The following TNR variants were observed in gnomAD, a reference collection of about 807,000 sequenced individuals.
The protein encoded by TNR is tenascin R, also known as tenascin-R.
Under a neutral mutation model 150.4 loss-of-function variants are expected in TNR, and 45 were observed. The observed-to-expected ratio is 0.30, with a 90% confidence interval of 0.24 to 0.38. The LOEUF is 0.38. Ranked by LOEUF, TNR falls within the 10% of genes least tolerant of loss-of-function variation. TNR has a pLI of 1.00. For missense variants in TNR, 1,544 were observed against 1,759.1 expected, an observed-to-expected ratio of 0.88 and a Z score of 2.19; for synonymous variants, 687 against 678.4, an observed-to-expected ratio of 1.01 and a Z score of -0.20.
chr1:175,677,044 T>C (rs573544423), intron 1 of TNR, among the ~76,000 whole-genome samples: 2 of 152,236 alleles, frequency 1.3e-5, no homozygotes, highest in South Asian at 4.2e-4. Flanking sequence ...GGATTTGGGG[T>C]TAAGTGTATG....
At chr1:175,596,945 A>G (rs1390944356) in intron 1 of TNR, among the ~76,000 whole-genome samples, 1 of 152,206 alleles carries the variant, frequency 6.6e-6, no homozygotes, top group Non-Finnish European at 1.5e-5. Flanking sequence ...ATAAAGGTGG[A>G]GAGTTTCAGC....
chr1:175,731,538 C>G (rs1470635682), intron 1 of TNR, among the ~76,000 whole-genome samples: 1 of 152,056 alleles, frequency 6.6e-6, no homozygotes, highest in African/African-American at 2.4e-5. Flanking sequence ...ATATATGTTG[C>G]CTTATTCAAT....
intron 7 of TNR, among the ~76,000 whole-genome samples, chr1:175,386,912 T>A (rs1290647600): frequency 6.6e-6 from 1 of 152,246 alleles, no homozygotes; most frequent in African/African-American, 2.4e-5. Flanking sequence ...GATAAAAGGA[T>A]AAAAAGGACC....
intron 22 of TNR, among the ~76,000 whole-genome samples, chr1:175,324,024 G>A (rs1055866328): frequency 6.6e-6 from 1 of 152,062 alleles, no homozygotes; most frequent in African/African-American, 2.4e-5. Context: ...AGTTCACACT[G>A]GTATTTTCGA....
intron 2 of TNR, among the ~76,000 whole-genome samples, chr1:175,487,292 A>T (rs933350394): frequency 1.3e-5 from 2 of 152,120 alleles, no homozygotes; most frequent in Non-Finnish European, 2.9e-5. Context: ...ATCCGACAGG[A>T]GGTGGAGCTC....
chr1:175,738,512 G>A (rs557086532), intron 1 of TNR, among the ~76,000 whole-genome samples: 2 of 152,300 alleles, frequency 1.3e-5, no homozygotes, highest in Admixed American at 6.5e-5. Flanking sequence ...GGCTGGGGGA[G>A]GAGGAAATGG....
chr1:175,538,114 G>A lies in TNR; in HGVS notation c.-164-9745C>T, dbSNP rs12120224. On this transcript the variant is annotated intron_variant, in intron 1 of 22. Transcript: ENST00000367674. Reference sequence around the variant, plus strand: ...GCATATAGGAGCAGGCCAAGATGTCGGAAACCAGGCCAGAACAAGACACAA... The same window carrying A: ...GCATATAGGAGCAGGCCAAGATGTCAGAAACCAGGCCAGAACAAGACACAA... 6.1e-3 allele frequency among the ~76,000 whole-genome samples: 924 copies of A among 152,282 alleles called. 6 individuals carry two copies. Among genetic ancestry groups the A allele is most frequent in the Non-Finnish European group, 8.5e-3 (577 of 68,026 alleles).
chr1:175,471,617 G>A (rs1039605412), intron 2 of TNR, among the ~76,000 whole-genome samples: 1 of 152,190 alleles, frequency 6.6e-6, no homozygotes, highest in Non-Finnish European at 1.5e-5. Context: ...CACTTACTAT[G>A]AATGGAGCCT....
intron 2 of TNR, among the ~76,000 whole-genome samples, chr1:175,478,617 A>C (rs1657650173): frequency 6.6e-6 from 1 of 152,078 alleles, no homozygotes; most frequent in African/African-American, 2.4e-5. Context: ...CATTAAAAAA[A>C]AAAAATCCAC....
chr1:175,708,126 CTT>C (rs1666893764), intron 1 of TNR, among the ~76,000 whole-genome samples: 2 of 151,616 alleles, frequency 1.3e-5, no homozygotes, highest in Admixed American at 1.3e-4. Flanking sequence ...CACAGCATAA[CTT>C]ATTACTTGCC....
intron 1 of TNR, among the ~76,000 whole-genome samples, chr1:175,686,873 C>T (rs946159105): frequency 1.7e-4 from 26 of 152,162 alleles, no homozygotes; most frequent in African/African-American, 6.0e-4. Context: ...CCTAAATTTT[C>T]CTTATCTAGC....
intron 2 of TNR, among the ~76,000 whole-genome samples, chr1:175,430,243 A>G (rs1424511445): frequency 2.0e-5 from 3 of 152,146 alleles, no homozygotes; most frequent in Non-Finnish European, 4.4e-5. Context: ...CTCTGCTTAG[A>G]GCCTGAGGAA....
At chr1:175,411,809 G>A (rs569452677) in intron 2 of TNR, among the ~76,000 whole-genome samples, 4 of 151,952 alleles carry the variant, frequency 2.6e-5, no homozygotes, top group South Asian at 2.1e-4. Context: ...GAGGTTCTGG[G>A]GTTAGGACTT....
chr1:175,437,543 GA>G (rs1278223194), intron 2 of TNR, among the ~76,000 whole-genome samples: 1 of 152,154 alleles, frequency 6.6e-6, no homozygotes, highest in Non-Finnish European at 1.5e-5. Context: ...AGAACTGAAG[GA>G]AACAGAGACA....
At chr1:175,414,706 A>C (rs1343311080) in intron 2 of TNR, among the ~76,000 whole-genome samples, 2 of 152,138 alleles carry the variant, frequency 1.3e-5, no homozygotes, top group African/African-American at 4.8e-5. Flanking sequence ...GACTTGGGTC[A>C]CCCAGGTTGG....
At chr1:175,337,456 G>A in intron 19 of TNR, 72 bp downstream of exon 19, 1 of 1,575,414 alleles carries the variant, frequency 6.3e-7, no homozygotes, top group Non-Finnish European at 8.7e-7. Flanking sequence ...AAGTTGGCTT[G>A]GCAGGTGCTG....
At chr1:175,357,525 A>T (rs1307078532) in intron 15 of TNR, among the ~76,000 whole-genome samples, 1 of 149,526 alleles carries the variant, frequency 6.7e-6, no homozygotes, top group Admixed American at 6.6e-5. Context: ...CCCTTTGCAC[A>T]TCATGCCATT....
chr1:175,559,568 A>G (rs10913003), intron 1 of TNR, among the ~76,000 whole-genome samples: 6,557 of 152,218 alleles, frequency 0.043, 465 homozygotes, highest in African/African-American at 0.15. Flanking sequence ...TCCTTCGTAC[A>G]TATGTATCAC....
intron 1 of TNR, among the ~76,000 whole-genome samples, chr1:175,591,399 A>G (rs946344242): frequency 1.3e-5 from 2 of 152,232 alleles, no homozygotes; most frequent in East Asian, 1.9e-4. Context: ...GGCACTTCAA[A>G]CCCTGTGGAA....
Sources: gnomAD v4.1 joint callset for allele counts (sites outside exome capture counted in the v4.1 genomes callset) on GRCh38, gnomAD v4.1.1 for gene constraint, MANE v1.5 for transcripts, NCBI Gene and HGNC (gene_info 2026-07-23, HGNC 2026-07-21) for gene names.